Variants in MALRD1 observed in about 807,000 individuals in gnomAD.
MALRD1 encodes MAM and LDL-receptor class A domain-containing protein 1.
In MALRD1, 247 loss-of-function variants were observed where a neutral mutation model predicts 242.1. The observed-to-expected ratio is 1.02, with a 90% CI of 0.92 to 1.13. MALRD1 has a LOEUF of 1.13. Among genes scored for constraint, MALRD1 ranks in the 50% most tolerant of loss-of-function variants. The probability of loss-of-function intolerance (pLI) is 0.00; values close to 1 mark genes in which losing one functional copy is unlikely to be tolerated. For missense variants in MALRD1, 2,989 were observed against 2,533.1 expected (o/e 1.18, Z -3.86); for synonymous variants, 995 against 866.6 (o/e 1.15, Z -2.60).
chr10:19,256,544 G>A (rs1839521692), intron 18 of MALRD1, among the ~76,000 whole-genome samples: 1 of 151,996 alleles, frequency 6.6e-6, no homozygotes, highest in Non-Finnish European at 1.5e-5. Flanking sequence ...ACCATTAAAT[G>A]TTGTTCAAAC....
intron 29 of MALRD1, among the ~76,000 whole-genome samples, chr10:19,454,405 G>GAGATATATATAT (rs1554775338): frequency 4.3e-4 from 35 of 80,528 alleles, no homozygotes; most frequent in African/African-American, 1.7e-3. Flanking sequence ...TTATGCATAT[G>GAGATATATATAT]ATATATATAT....
Position 19,709,015 on chromosome 10 carries a change from CT to C in MALRD1, c.6314+16473del, listed in dbSNP as rs1288346197. On this transcript the variant is annotated intron_variant, in intron 38 of 39. Coordinates refer to ENST00000454679, the MANE Select transcript of MALRD1 (RefSeq NM_001142308.3). ...GTGTATCACAGAAACATGGATAAGC[CT>C]TTTTTTTTTTTCATTTTTTGAAATT... Among the ~76,000 whole-genome samples, 418 of 107,026 alleles carry C rather than the reference CT, an allele frequency of 3.9e-3. 85 individuals are homozygous for C. Among genetic ancestry groups the C allele is most frequent in the East Asian group, 0.024 (84 of 3,472 alleles). 70.2% of individuals were successfully genotyped at this position (107,026 alleles called of 152,430 possible). A position where few individuals can be genotyped will look rare whatever the true frequency, so the allele number is the denominator to read the frequency against.
In MALRD1 at chr10:19,615,889, A is replaced by T. The variant is rs981752916; in HGVS notation, c.6103A>T (p.Thr2035Ser). 6.5e-6 allele frequency: 10 copies of T among 1,532,324 alleles called. No homozygotes were observed. The Admixed American group carries it at 2.0e-4, about 30-fold the overall frequency. 94.9% of individuals were successfully genotyped at this position (1,532,324 alleles called of 1,614,324 possible). A position where few individuals can be genotyped will look rare whatever the true frequency, so the allele number is the denominator to read the frequency against. ...CPLNYCRNGG[T>S]CVVEKNGPMC... ...ATTAAATTACTGCAGAAATGGTGGG[A>T]CTTGTGTAGTGGAGAAAAATGGTCC... Residue 2035 changes from threonine to serine, a missense_variant, in exon 36 of 40, where the codon ACT (threonine) becomes TCT (serine). By Grantham distance (58) the Thr-to-Ser change is moderately conservative. Coordinates refer to ENST00000454679, the MANE Select transcript of MALRD1 (RefSeq NM_001142308.3).
At chr10:19,129,930 T>C (rs2131396520) in intron 8 of MALRD1, among the ~76,000 whole-genome samples, 1 of 147,772 alleles carries the variant, frequency 6.8e-6, no homozygotes, top group Admixed American at 6.9e-5. Flanking sequence ...TGTAGATATG[T>C]GGATGTGATA....
At chr10:19,156,316 T>G (rs907312649) in intron 12 of MALRD1, among the ~76,000 whole-genome samples, 3 of 151,664 alleles carry the variant, frequency 2.0e-5, no homozygotes, top group Non-Finnish European at 1.5e-5. Context: ...TTTTTTTTTC[T>G]TCCCATTTCT....
intron 18 of MALRD1, among the ~76,000 whole-genome samples, chr10:19,215,447 C>T (rs929013161): frequency 8.5e-5 from 13 of 152,234 alleles, no homozygotes; most frequent in Non-Finnish European, 1.5e-4. Context: ...ATGGTCTGTC[C>T]CTGTGGACGT....
chr10:19,351,554 G>C (rs919835720), intron 25 of MALRD1, among the ~76,000 whole-genome samples: 2 of 151,980 alleles, frequency 1.3e-5, no homozygotes, highest in Admixed American at 1.3e-4. Flanking sequence ...GAATGGCAGT[G>C]GAATAAGCAA....
intron 24 of MALRD1, among the ~76,000 whole-genome samples, chr10:19,345,127 T>G (rs972623495): frequency 2.6e-5 from 4 of 152,186 alleles, no homozygotes; most frequent in African/African-American, 7.2e-5. Flanking sequence ...TACTTATTTT[T>G]GCTTATTTTA....
chr10:19,282,080 T>C (rs1038322598), intron 20 of MALRD1, among the ~76,000 whole-genome samples: 9 of 151,670 alleles, frequency 5.9e-5, no homozygotes, highest in African/African-American at 9.7e-5. Flanking sequence ...AGCAGATCCC[T>C]AGAACCTATT....
At chr10:19,250,104 A>G (rs1839234619) in intron 18 of MALRD1, among the ~76,000 whole-genome samples, 1 of 151,756 alleles carries the variant, frequency 6.6e-6, no homozygotes, top group Non-Finnish European at 1.5e-5. Context: ...GGGAAAAAAA[A>G]TGACATTTAA....
At position 19,404,895 on chromosome 10, in the gene MALRD1, C is replaced by T. The variant is rs75167372; in HGVS notation, c.4845+15286C>T. ...ATATATGGTGAGCTCTGAAAATATA[C>T]GAAATTCTATGCACAGAGAAGAGAA... On this transcript the variant is annotated intron_variant, in intron 28 of 39. Coordinates refer to ENST00000454679, the MANE Select transcript of MALRD1 (RefSeq NM_001142308.3). Among the ~76,000 whole-genome samples, 63 of 152,128 alleles carry T rather than the reference C, an allele frequency of 4.1e-4. 1 individual carries two copies. The East Asian group carries it at 0.011, about 27-fold the overall frequency.
chr10:19,655,530 G>GTATATATATATATATA (rs56752723), intron 36 of MALRD1, among the ~76,000 whole-genome samples: 2 of 108,824 alleles, frequency 1.8e-5, no homozygotes, highest in African/African-American at 3.2e-5. Flanking sequence ...ATGTGTGAGT[G>GTATATATATATATATA]TATATATATA....
At chr10:19,572,878 CAG>C (rs1836631143) in intron 33 of MALRD1, among the ~76,000 whole-genome samples, 2 of 152,138 alleles carry the variant, frequency 1.3e-5, no homozygotes, top group South Asian at 4.1e-4. Flanking sequence ...AGCTTCTCCC[CAG>C]AGTCTTCAGA....
intron 28 of MALRD1, among the ~76,000 whole-genome samples, chr10:19,422,165 C>G (rs749586961): frequency 2.6e-5 from 4 of 152,168 alleles, no homozygotes; most frequent in Non-Finnish European, 5.9e-5. Context: ...AAATCATGCT[C>G]TTTTCTAACC....
At chr10:19,497,627 G>T (rs957150777) in intron 30 of MALRD1, among the ~76,000 whole-genome samples, 8 of 151,990 alleles carry the variant, frequency 5.3e-5, no homozygotes, top group African/African-American at 1.9e-4. Flanking sequence ...GTATGTTAAG[G>T]AAAAGTTGTG....
intron 38 of MALRD1, among the ~76,000 whole-genome samples, chr10:19,708,999 A>G (rs2131866381): frequency 8.3e-6 from 1 of 120,950 alleles, no homozygotes; most frequent in East Asian, 2.5e-4. Context: ...AGTGTATCAC[A>G]GAAACATGGA....
chr10:19,059,635 G>A (rs562694293), intron 1 of MALRD1, among the ~76,000 whole-genome samples: 8 of 151,906 alleles, frequency 5.3e-5, no homozygotes, highest in African/African-American at 1.2e-4. Context: ...CAAGTGATCC[G>A]CCCACTGTGG....
intron 33 of MALRD1, among the ~76,000 whole-genome samples, chr10:19,587,418 T>C (rs1177441257): frequency 6.6e-6 from 1 of 152,264 alleles, no homozygotes; most frequent in African/African-American, 2.4e-5. Flanking sequence ...ACTGAAGTTC[T>C]ACTTGCATAT....
At position 19,335,806 on chromosome 10, in the gene MALRD1, T is replaced by A. The variant is rs570838733; in HGVS notation, c.3901+4224T>A. Reference sequence around the variant, plus strand: ...TATAAAACATTTCATGGAGAAAAAATTTTTTTTTATTATTATACTTTAAGT... The same window carrying A: ...TATAAAACATTTCATGGAGAAAAAAATTTTTTTTATTATTATACTTTAAGT... On this transcript the variant is annotated intron_variant, in intron 24 of 39. Coordinates refer to ENST00000454679, the MANE Select transcript of MALRD1 (RefSeq NM_001142308.3). 1.0e-3 allele frequency among the ~76,000 whole-genome samples: 150 copies of A among 150,750 alleles called. 2 individuals are homozygous for A. Among genetic ancestry groups the A allele is most frequent in the South Asian group, 7.9e-3 (38 of 4,784 alleles).
Sources: gnomAD v4.1 joint callset for allele counts (sites outside exome capture counted in the v4.1 genomes callset) on GRCh38, gnomAD v4.1.1 for gene constraint, MANE v1.5 for transcripts, NCBI Gene and HGNC (gene_info 2026-07-23, HGNC 2026-07-21) for gene names.